The following LZTS1 variants were observed in gnomAD, a reference collection of about 807,000 sequenced individuals.
The protein encoded by LZTS1 is leucine zipper putative tumor suppressor 1.
In LZTS1, 31 loss-of-function variants were observed where a neutral mutation model predicts 45.8. That is an observed-to-expected ratio of 0.68 (90% CI 0.51 to 0.91). The LOEUF (loss-of-function observed/expected upper bound fraction) is 0.91, where lower values mean the gene tolerates loss of function less well. Among genes scored for constraint, LZTS1 ranks in the 40% least tolerant of loss-of-function variants. The pLI is 0.00. For synonymous variants in LZTS1, 359 were observed against 357.3 expected (o/e 1.00, Z -0.05); for missense variants, 821 against 788.9 (o/e 1.04, Z -0.49).
At chr8:20,252,068 C>A (rs187263781) in intron 3 of LZTS1, among the ~76,000 whole-genome samples, 2 of 152,274 alleles carry the variant, frequency 1.3e-5, no homozygotes, top group Non-Finnish European at 2.9e-5. Flanking sequence ...TGGGCTTGAA[C>A]TCCATGAGTC....
chr8:20,257,945 A>G (rs1800144481), intron 1 of LZTS1, among the ~76,000 whole-genome samples: 1 of 150,748 alleles, frequency 6.6e-6, no homozygotes, highest in African/African-American at 2.4e-5. Flanking sequence ...AAGTGCCGGG[A>G]TTATAGGCGT....
intron 1 of LZTS1, among the ~76,000 whole-genome samples, chr8:20,286,610 T>C (rs1208332925): frequency 1.3e-5 from 2 of 152,224 alleles, no homozygotes; most frequent in Non-Finnish European, 2.9e-5. Flanking sequence ...TCTATCCAAG[T>C]TGAACACAAG....
chr8:20,285,076 A>T (rs1194474061), intron 1 of LZTS1, among the ~76,000 whole-genome samples: 3 of 152,250 alleles, frequency 2.0e-5, no homozygotes, highest in African/African-American at 7.2e-5. Flanking sequence ...CACAGTGAGG[A>T]TCAATGATAC....
At chr8:20,303,675 G>A in intron 1 of LZTS1, 65 bp downstream of exon 1, 1 of 984,740 alleles carries the variant, frequency 1.0e-6, no homozygotes, top group Non-Finnish European at 1.2e-6. Context: ...AGGGGAAAGC[G>A]GTTTCCCGCA....
Position 20,250,010 on chromosome 8 carries a change from C to T in LZTS1, c.1503G>A (p.Gln501=). Residue 501 remains glutamine, a synonymous_variant, in exon 4 of 4, where the codon CAG becomes CAA. Coordinates refer to ENST00000381569, the MANE Select transcript of LZTS1 (RefSeq NM_021020.5). Reference sequence around the variant, plus strand: ...CGGCCCGCAGCCGCTCCAGCTCCCGCTGCAGGGCAGGGACGTCCTCGGGGA... The same window carrying T: ...CGGCCCGCAGCCGCTCCAGCTCCCGTTGCAGGGCAGGGACGTCCTCGGGGA... ...PTFPEDVPAL[Q]RELERLRAEL... is the part of the protein sequence containing the mutation. 1.2e-6 allele frequency: 2 copies of T among 1,613,010 alleles called. No individual in the cohort carries two copies. Among genetic ancestry groups the T allele is most frequent in the Non-Finnish European group, 1.7e-6 (2 of 1,179,754 alleles).
intron 3 of LZTS1, among the ~76,000 whole-genome samples, chr8:20,251,247 A>T (rs886507016): frequency 5.3e-5 from 8 of 151,140 alleles, no homozygotes; most frequent in Admixed American, 4.6e-4. Flanking sequence ...CTGGATCATA[A>T]GTGGTCAAGC....
In LZTS1 at chr8:20,253,329, C is replaced by A. The variant is rs1297719731; in HGVS notation, c.602G>T (p.Gly201Val). ...GGAGCCCCCAAAACGGCTTGTGGGT[C>A]CCACGGGTGTGACCAGCGGGTCCAG... ...YQLDPLVTPV[G>V]PTSRFGGSAH... The change falls in exon 3 of 4, where the codon GGA (glycine) becomes GTA (valine). Residue 201 changes from glycine (G) to valine (V), a missense_variant. Physicochemically the swap from Gly to Val is moderately radical, Grantham distance 109 (BLOSUM62 -3). Transcript: ENST00000381569. The A allele has an allele frequency of 6.2e-7, 1 of 1,613,786 alleles. No homozygotes were observed. Among genetic ancestry groups the A allele is most frequent in the East Asian group, 2.2e-5 (1 of 44,882 alleles).
intron 1 of LZTS1, among the ~76,000 whole-genome samples, chr8:20,275,025 T>C (rs1383422726): frequency 6.7e-6 from 1 of 149,164 alleles, no homozygotes; most frequent in Non-Finnish European, 1.5e-5. Context: ...ATTCGCTTCC[T>C]GGAGGGAAGT....
At chr8:20,282,729 A>G (rs756286111) in intron 1 of LZTS1, among the ~76,000 whole-genome samples, 1 of 152,032 alleles carries the variant, frequency 6.6e-6, no homozygotes, top group Non-Finnish European at 1.5e-5. Flanking sequence ...CCCCTTTTCC[A>G]CCAGTAGTTA....
At chr8:20,293,483 T>C (rs907677810) in intron 1 of LZTS1, among the ~76,000 whole-genome samples, 4 of 152,198 alleles carry the variant, frequency 2.6e-5, no homozygotes, top group African/African-American at 9.6e-5. Flanking sequence ...GCTGATTCTG[T>C]TTTGTAGAAT....
At chr8:20,258,083 G>A (rs898434275) in intron 1 of LZTS1, among the ~76,000 whole-genome samples, 2 of 152,194 alleles carry the variant, frequency 1.3e-5, no homozygotes, top group Admixed American at 1.3e-4. Context: ...CAGCACATGT[G>A]CAGATTCAGG....
At position 20,303,656 on chromosome 8, in the gene LZTS1, G is replaced by T. The variant is rs1801121501; in HGVS notation, c.-135+84C>A. Reference sequence around the variant, plus strand: ...GGACGCGCGGACGCACGGACGGTCCGGCCCGGCGAGGGGAAAGCGGTTTCC... The same window carrying T: ...GGACGCGCGGACGCACGGACGGTCCTGCCCGGCGAGGGGAAAGCGGTTTCC... On this transcript the variant is annotated intron_variant, in intron 1 of 3. Coordinates refer to ENST00000381569, the MANE Select transcript of LZTS1 (RefSeq NM_021020.5). 6.1e-6 allele frequency: 6 copies of T among 975,956 alleles called. No individual in the cohort carries two copies. The South Asian group carries it at 2.4e-4, about 39-fold the overall frequency. 60.5% of individuals were successfully genotyped at this position (975,956 alleles called of 1,614,324 possible). A position where few individuals can be genotyped will look rare whatever the true frequency, so the allele number is the denominator to read the frequency against.
Position 20,249,689 on chromosome 8 carries a change from CAGG to C in LZTS1, c.*30_*32del. On this transcript the variant is annotated 3_prime_UTR_variant, in exon 4 of 4. Coordinates refer to ENST00000381569, the MANE Select transcript of LZTS1 (RefSeq NM_021020.5). ...ACGGGAGAGCCCTGCCTCCCAGTGC[CAGG>C]TCCCCAGACTCGCCTTCCCAGGCAG... 1 of 1,571,016 alleles carries C rather than the reference CAGG, an allele frequency of 6.4e-7. No homozygotes were observed. Among genetic ancestry groups the C allele is most frequent in the East Asian group, 2.2e-5 (1 of 44,488 alleles).
intron 1 of LZTS1, among the ~76,000 whole-genome samples, chr8:20,270,332 G>C (rs1008120651): frequency 9.2e-5 from 14 of 152,224 alleles, no homozygotes; most frequent in African/African-American, 3.4e-4. Flanking sequence ...TATGCTGAGA[G>C]GCGCTGCTAC....
intron 1 of LZTS1, among the ~76,000 whole-genome samples, chr8:20,268,112 C>G (rs1038735112): frequency 1.3e-5 from 2 of 151,982 alleles, no homozygotes; most frequent in South Asian, 4.1e-4. Context: ...ATTAGATCCT[C>G]GCATTTCTTG....
intron 1 of LZTS1, among the ~76,000 whole-genome samples, chr8:20,274,103 C>T (rs1009037636): frequency 6.6e-6 from 1 of 152,150 alleles, no homozygotes; most frequent in Non-Finnish European, 1.5e-5. Context: ...GCCCCTTCTG[C>T]GTGTTCTTAC....
intron 1 of LZTS1, among the ~76,000 whole-genome samples, chr8:20,302,016 G>T (rs776336083): frequency 6.6e-6 from 1 of 152,014 alleles, no homozygotes; most frequent in Admixed American, 6.6e-5. Context: ...CTTAAGCAGA[G>T]TGAGCGCCCC....
At chr8:20,300,650 G>T (rs1427958603) in intron 1 of LZTS1, among the ~76,000 whole-genome samples, 1 of 152,118 alleles carries the variant, frequency 6.6e-6, no homozygotes, top group Non-Finnish European at 1.5e-5. Context: ...TGTATTTTGA[G>T]CTGGGAACTC....
chr8:20,268,779 G>A (rs940278388), intron 1 of LZTS1, among the ~76,000 whole-genome samples: 17 of 152,118 alleles, frequency 1.1e-4, no homozygotes, highest in Admixed American at 1.0e-3. Context: ...CTGCTGGTGG[G>A]TTGGGAGCAG....
Sources: gnomAD v4.1 joint callset for allele counts (sites outside exome capture counted in the v4.1 genomes callset) on GRCh38, gnomAD v4.1.1 for gene constraint, MANE v1.5 for transcripts, NCBI Gene and HGNC (gene_info 2026-07-23, HGNC 2026-07-21) for gene names.